CACNA1C: variants seen among roughly 807,000 people sequenced by gnomAD.
CACNA1C encodes voltage-dependent L-type calcium channel subunit alpha-1C.
CACNA1C carries 30 observed loss-of-function variants against 229.0 expected under a neutral mutation model. The observed-to-expected ratio is 0.13, with a 90% CI of 0.10 to 0.18. CACNA1C has a LOEUF of 0.18. CACNA1C is among the 10% of genes least tolerant of loss of function. CACNA1C has a pLI of 1.00. For synonymous variants in CACNA1C, 1,114 were observed against 1,132.5 expected, an observed-to-expected ratio of 0.98 and a Z score of 0.33; for missense variants, 1,658 against 2,845.0, an observed-to-expected ratio of 0.58 and a Z score of 9.49.
At chr12:2,171,387 C>T (rs183490735) in intron 3 of CACNA1C, among the ~76,000 whole-genome samples, 3 of 152,118 alleles carry the variant, frequency 2.0e-5, no homozygotes, top group Non-Finnish European at 4.4e-5. Flanking sequence ...CCCACATGCT[C>T]TCTGTGGGCC....
At position 2,194,068 on chromosome 12, in the gene CACNA1C, G is replaced by A. The variant is rs150895248; in HGVS notation, c.477+73638G>A. On this transcript the variant is annotated intron_variant, in intron 3 of 46. Coordinates refer to ENST00000399655, the MANE Select transcript of CACNA1C (RefSeq NM_000719.7). ...TAAGAGGCTTCCTCTTAGAGTCAGC[G>A]GATTCCCACTGATGCAGCCCAAGAT... Among the ~76,000 whole-genome samples, 44 of 152,088 alleles carry A rather than the reference G, an allele frequency of 2.9e-4. 1 individual carries two copies. The highest frequency in any genetic ancestry group is 3.4e-3 in the Middle Eastern group (1 of 294).
Position 2,181,516 on chromosome 12 carries a change from C to T in CACNA1C, c.477+61086C>T, listed in dbSNP as rs536507184. On this transcript the variant is annotated intron_variant, in intron 3 of 46. Transcript: ENST00000399655. This position sits in a 1 kb window ranked among gnomAD's most constrained non-coding sequence, Gnocchi z 4.0. Reference sequence around the variant, plus strand: ...GTTGCTGAAAGGCGTAATAGGGGAGCGCAGATTTGAGGGTCATGCCCATGA... The same window carrying T: ...GTTGCTGAAAGGCGTAATAGGGGAGTGCAGATTTGAGGGTCATGCCCATGA... Among the ~76,000 whole-genome samples the T allele has an allele frequency of 4.6e-5, 7 of 152,186 alleles. No individual in the cohort carries two copies. The East Asian group carries it at 5.8e-4, about 13-fold the overall frequency.
chr12:2,596,716 C>T (rs953965207), intron 20 of CACNA1C, among the ~76,000 whole-genome samples: 1 of 152,128 alleles, frequency 6.6e-6, no homozygotes. Flanking sequence ...CCTGTGCAGA[C>T]CTCACCTGAA....
intron 3 of CACNA1C, among the ~76,000 whole-genome samples, chr12:2,154,745 T>A (rs1159310596): frequency 6.6e-6 from 1 of 152,202 alleles, no homozygotes; most frequent in Non-Finnish European, 1.5e-5. Context: ...TTCTCTCAGC[T>A]CCAAAGGCAC....
At chr12:2,198,332 G>T (rs1206932820) in intron 3 of CACNA1C, among the ~76,000 whole-genome samples, 1 of 152,214 alleles carries the variant, frequency 6.6e-6, no homozygotes, top group East Asian at 1.9e-4. Flanking sequence ...CGGCTTCTGA[G>T]GAGGCTGCTG....
intron 5 of CACNA1C, among the ~76,000 whole-genome samples, chr12:2,482,750 T>C (rs922848790): frequency 2.0e-5 from 3 of 152,128 alleles, no homozygotes; most frequent in Admixed American, 6.5e-5. Context: ...GATAAGCCTG[T>C]TTCTCGGACA....
At chr12:1,987,695 C>A (rs984710036) in intron 1 of CACNA1C, among the ~76,000 whole-genome samples, 1 of 152,142 alleles carries the variant, frequency 6.6e-6, no homozygotes, top group Non-Finnish European at 1.5e-5. Context: ...AGTTTTCTTA[C>A]AATACACACA....
At chr12:2,168,040 GC>G (rs2154259185) in intron 3 of CACNA1C, among the ~76,000 whole-genome samples, 1 of 152,300 alleles carries the variant, frequency 6.6e-6, no homozygotes, top group Non-Finnish European at 1.5e-5. Context: ...TTCAAGAACT[GC>G]AAGTAGGTCA....
intron 3 of CACNA1C, among the ~76,000 whole-genome samples, chr12:2,440,080 C>G (rs1204845307): frequency 6.6e-6 from 1 of 152,196 alleles, no homozygotes; most frequent in African/African-American, 2.4e-5. Context: ...GCTGTGCTGT[C>G]AAACATTTAA....
chr12:2,041,669 A>G (rs1483919671), intron 1 of CACNA1C, among the ~76,000 whole-genome samples: 1 of 152,238 alleles, frequency 6.6e-6, no homozygotes, highest in East Asian at 1.9e-4. Flanking sequence ...ACAAACCCCA[A>G]GAAGGGAGGC....
rs138677939 is a variant in CACNA1C, at chr12:2,080,474, G to A, written c.49+26863G>A. On this transcript the variant is annotated intron_variant, in intron 1 of 46. Coordinates refer to ENST00000399655, the MANE Select transcript of CACNA1C (RefSeq NM_000719.7). The stretch of plus-strand genomic sequence containing the variant: ...AAATTAGCTGGACATGGTGGCAGGC[G>A]CCTGTAATCCCAGCTACTTGGGAGG... Among the ~76,000 whole-genome samples, 232 of 150,720 alleles carry A rather than the reference G, an allele frequency of 1.5e-3. 5 individuals are homozygous for A. In the East Asian group the frequency reaches 0.037, roughly 24 times the overall value.
chr12:2,334,370 C>T (rs990531047), intron 3 of CACNA1C, among the ~76,000 whole-genome samples: 1 of 152,212 alleles, frequency 6.6e-6, no homozygotes, highest in Non-Finnish European at 1.5e-5. Flanking sequence ...GTCAAAAGAA[C>T]TCATTCTAGG....
chr12:2,590,703 G>A (rs1238317101), intron 18 of CACNA1C, among the ~76,000 whole-genome samples: 8 of 152,228 alleles, frequency 5.3e-5, no homozygotes, highest in Non-Finnish European at 8.8e-5. Context: ...TCGTGCAGAT[G>A]TAAGAGCCTG....
chr12:2,244,523 T>C (rs375188828), intron 3 of CACNA1C, among the ~76,000 whole-genome samples: 4 of 152,236 alleles, frequency 2.6e-5, no homozygotes, highest in South Asian at 4.1e-4. Context: ...GATTCCCCTG[T>C]TAACCATGTT....
intron 29 of CACNA1C, chr12:2,614,165 A>G (rs2079239522): frequency 6.6e-6 from 1 of 152,212 alleles, no homozygotes; most frequent in African/African-American, 2.4e-5. Flanking sequence ...GGAAGTAACC[A>G]TTGCGAGTGG....
rs7980160 is a variant in CACNA1C, at chr12:2,354,579, A to G, written c.478-94397A>G. Among the ~76,000 whole-genome samples the G allele has an allele frequency of 0.28, 41,905 of 152,132 alleles. 6,039 individuals carry two copies. Among genetic ancestry groups the G allele is most frequent in the African/African-American group, 0.33 (13,602 of 41,498 alleles). On this transcript the variant is annotated intron_variant, in intron 3 of 46. Transcript: ENST00000399655. This position sits in a 1 kb window ranked among gnomAD's most constrained non-coding sequence, Gnocchi z 4.6. ...TTTCCGCATGCATGCTCTCCTAGCT[A>G]TGCTTGTAAGAAGTGCGTGCTTCTG... is the stretch of plus-strand genomic sequence containing the variant.
chr12:2,550,487 T>C, intron 10 of CACNA1C: 1 of 1,303,358 alleles, frequency 7.7e-7, no homozygotes, highest in Non-Finnish European at 1.0e-6. Context: ...GGTGAGAAGA[T>C]GTTCTGGGAG....
Position 2,649,749 on chromosome 12 carries a change from C to G in CACNA1C, c.3945+1242C>G, listed in dbSNP as rs1342810068. ...AGATGCCCCTGTGGCACCAACTTCT[C>G]AAACTCTTGACACTTGCAGCTAAAG... is the stretch of plus-strand genomic sequence containing the variant. On this transcript the variant is annotated intron_variant, in intron 31 of 46. Coordinates refer to ENST00000399655, the MANE Select transcript of CACNA1C (RefSeq NM_000719.7). The surrounding 1 kb of genome is among the most constrained non-coding windows in gnomAD (Gnocchi z 4.4). Among the ~76,000 whole-genome samples the G allele has an allele frequency of 2.6e-5, 4 of 152,052 alleles. No individual in the cohort carries two copies. Among genetic ancestry groups the G allele is most frequent in the Non-Finnish European group, 5.9e-5 (4 of 68,024 alleles).
intron 30 of CACNA1C, among the ~76,000 whole-genome samples, chr12:2,645,870 A>G (rs1300142334): frequency 6.6e-6 from 1 of 152,212 alleles, no homozygotes; most frequent in Non-Finnish European, 1.5e-5. Flanking sequence ...CTTAAGGCTC[A>G]AGAAAAACTT....
Sources: allele counts gnomAD v4.1 joint callset (sites outside exome capture counted in the v4.1 genomes callset), GRCh38; gene constraint gnomAD v4.1.1; non-coding constraint Gnocchi (gnomAD v3.1); transcripts MANE v1.5; gene names NCBI Gene and HGNC (gene_info 2026-07-23, HGNC 2026-07-21).